Variants in PTPRD observed in about 807,000 individuals in gnomAD.
PTPRD encodes receptor-type tyrosine-protein phosphatase delta.
In PTPRD, 34 loss-of-function variants were observed where a neutral mutation model predicts 214.5. The ratio of observed to expected loss-of-function variants is 0.16; its 90% CI spans 0.12 to 0.21. The LOEUF (loss-of-function observed/expected upper bound fraction) is 0.21, where lower values mean the gene tolerates loss of function less well. Among genes scored for constraint, PTPRD ranks in the 10% least tolerant of loss-of-function variants. The pLI is 1.00. For missense variants in PTPRD, 2,545 were observed against 2,398.7 expected, an observed-to-expected ratio of 1.06 and a Z score of -1.27; for synonymous variants, 1,128 against 845.7, an observed-to-expected ratio of 1.33 and a Z score of -5.79.
intron 5 of PTPRD, among the ~76,000 whole-genome samples, chr9:9,838,073 C>T (rs565152897): frequency 3.6e-4 from 55 of 152,290 alleles, no homozygotes; most frequent in African/African-American, 1.3e-3. Flanking sequence ...CCAGTTTCAT[C>T]CATGTCCCTA....
chr9:10,200,272 A>G (rs294820), intron 3 of PTPRD, among the ~76,000 whole-genome samples: 57,344 of 151,962 alleles, frequency 0.38, 12,527 homozygotes, highest in African/African-American at 0.6. Context: ...TAGACTGATA[A>G]GCTGACTGGT....
At chr9:8,568,534 C>T (rs1220243821) in intron 14 of PTPRD, among the ~76,000 whole-genome samples, 1 of 152,112 alleles carries the variant, frequency 6.6e-6, no homozygotes, top group Non-Finnish European at 1.5e-5. Context: ...TGATTATTAA[C>T]CTTCGGTAAA....
chr9:9,638,250 C>G (rs2095835293), intron 7 of PTPRD, among the ~76,000 whole-genome samples: 1 of 152,080 alleles, frequency 6.6e-6, no homozygotes, highest in African/African-American at 2.4e-5. Flanking sequence ...TCATTTCTCT[C>G]TTTTCACATT....
At chr9:8,549,570 T>C (rs931680563) in intron 14 of PTPRD, among the ~76,000 whole-genome samples, 1 of 152,324 alleles carries the variant, frequency 6.6e-6, no homozygotes, top group African/African-American at 2.4e-5. Flanking sequence ...AGAACAATTA[T>C]ATTATTTTGC....
intron 8 of PTPRD, among the ~76,000 whole-genome samples, chr9:9,558,714 T>A (rs1043092205): frequency 2.6e-5 from 4 of 152,218 alleles, no homozygotes; most frequent in African/African-American, 9.6e-5. Context: ...CTACTCCGTT[T>A]ACACCTGGTT....
intron 3 of PTPRD, among the ~76,000 whole-genome samples, chr9:10,044,987 T>G (rs2154146204): frequency 6.6e-6 from 1 of 151,804 alleles, no homozygotes; most frequent in East Asian, 1.9e-4. Context: ...TTGCAGCATA[T>G]AGAGGCTACT....
chr9:10,336,350 T>C (rs1347894802), intron 3 of PTPRD, among the ~76,000 whole-genome samples: 5 of 151,452 alleles, frequency 3.3e-5, no homozygotes, highest in African/African-American at 4.8e-5. Flanking sequence ...AGAATACCAG[T>C]TTTGTGTGGC....
intron 12 of PTPRD, among the ~76,000 whole-genome samples, chr9:8,722,568 G>A (rs2098512616): frequency 1.3e-5 from 2 of 151,830 alleles, no homozygotes. Context: ...TCTATATAGG[G>A]ACTTCAACAA....
chr9:9,394,438 G>C (rs1386125550), intron 9 of PTPRD, among the ~76,000 whole-genome samples: 1 of 152,098 alleles, frequency 6.6e-6, no homozygotes, highest in African/African-American at 2.4e-5. Context: ...ACAACTGATT[G>C]GAAGTTTACA....
intron 12 of PTPRD, among the ~76,000 whole-genome samples, chr9:8,645,924 C>T (rs1206826486): frequency 1.3e-5 from 2 of 152,030 alleles, no homozygotes; most frequent in African/African-American, 2.4e-5. Context: ...CTTCTGCCTT[C>T]TCCTTTGCCC....
chr9:9,469,075 A>T (rs934633576), intron 8 of PTPRD, among the ~76,000 whole-genome samples: 1 of 152,142 alleles, frequency 6.6e-6, no homozygotes, highest in African/African-American at 2.4e-5. Flanking sequence ...TGTTTGGCCC[A>T]AATTGGGATA....
intron 8 of PTPRD, among the ~76,000 whole-genome samples, chr9:9,399,824 G>A (rs1226206304): frequency 6.6e-6 from 1 of 151,966 alleles, no homozygotes; most frequent in Non-Finnish European, 1.5e-5. Flanking sequence ...GTGGAACTGT[G>A]AATGAATCAA....
intron 8 of PTPRD, among the ~76,000 whole-genome samples, chr9:9,572,334 G>A (rs891415821): frequency 6.6e-6 from 1 of 151,370 alleles, no homozygotes; most frequent in East Asian, 1.9e-4. Context: ...TTTTGAGAAA[G>A]TATTTAAGAA....
At chr9:8,337,586 A>G (rs1848212402) in intron 43 of PTPRD, among the ~76,000 whole-genome samples, 1 of 151,912 alleles carries the variant, frequency 6.6e-6, no homozygotes, top group Non-Finnish European at 1.5e-5. Flanking sequence ...ACATGTATTC[A>G]GGACTTACAC....
chr9:10,209,317 G>T (rs2099503365), intron 3 of PTPRD, among the ~76,000 whole-genome samples: 1 of 152,012 alleles, frequency 6.6e-6, no homozygotes, highest in South Asian at 2.1e-4. Context: ...GTAAATTTTT[G>T]AAAATGAAAA....
At chr9:8,327,546 T>C (rs1316861307) in intron 44 of PTPRD, among the ~76,000 whole-genome samples, 1 of 152,304 alleles carries the variant, frequency 6.6e-6, no homozygotes, top group Middle Eastern at 3.4e-3. Context: ...ATGTGTATTA[T>C]TAGGTCTGCT....
At chr9:9,521,720 A>G (rs1477126705) in intron 8 of PTPRD, among the ~76,000 whole-genome samples, 1 of 152,222 alleles carries the variant, frequency 6.6e-6, no homozygotes, top group Non-Finnish European at 1.5e-5. Flanking sequence ...TCTACTAAAA[A>G]AGGAAAAGGT....
chr9:8,851,860 G>C (rs2097822389), intron 11 of PTPRD, among the ~76,000 whole-genome samples: 1 of 151,704 alleles, frequency 6.6e-6, no homozygotes, highest in African/African-American at 2.4e-5. Flanking sequence ...CTTCCTATAA[G>C]AACTGAATGT....
intron 3 of PTPRD, among the ~76,000 whole-genome samples, chr9:10,139,481 A>T (rs1349561509): frequency 1.3e-5 from 2 of 152,120 alleles, no homozygotes; most frequent in East Asian, 3.8e-4. Context: ...TGGTATTCCT[A>T]CCAAACTATC....
Sources: gnomAD v4.1 joint callset for allele counts (sites outside exome capture counted in the v4.1 genomes callset) on GRCh38, gnomAD v4.1.1 for gene constraint, MANE v1.5 for transcripts, NCBI Gene and HGNC (gene_info 2026-07-23, HGNC 2026-07-21) for gene names.